Variants in TOP1 observed in about 807,000 individuals in gnomAD.
TOP1 encodes DNA topoisomerase 1.
Under a neutral mutation model 111.1 loss-of-function variants are expected in TOP1, and 10 were observed. The observed-to-expected ratio is 0.09, with a 90% CI of 0.06 to 0.15. The LOEUF (loss-of-function observed/expected upper bound fraction) is 0.15. Among genes scored for constraint, TOP1 ranks in the 10% least tolerant of loss-of-function variants. TOP1 has a pLI of 1.00. For synonymous variants in TOP1, 271 were observed against 302.9 expected (o/e 0.89, Z 1.10); for missense variants, 474 against 926.7 (o/e 0.51, Z 6.34).
intron 3 of TOP1, among the ~76,000 whole-genome samples, chr20:41,062,490 A>T (rs1447081814): frequency 6.6e-6 from 1 of 152,036 alleles, no homozygotes; most frequent in Non-Finnish European, 1.5e-5. Context: ...TTATCACTTG[A>T]TCATCTAGTT....
At chr20:41,090,562 A>G (rs6124315) in intron 8 of TOP1, among the ~76,000 whole-genome samples, 87,785 of 152,012 alleles carry the variant, frequency 0.58, 26,652 homozygotes, top group East Asian at 0.82. Context: ...GAGTGCAGTC[A>G]CGTGATCTCG....
At position 41,114,062 on chromosome 20, in the gene TOP1, C is replaced by T; in HGVS notation, c.1545C>T (p.His515=). The change falls in exon 15 of 21, where the codon CAC becomes CAT. Residue 515 remains histidine (H), a synonymous_variant. Coordinates refer to ENST00000361337, the MANE Select transcript of TOP1 (RefSeq NM_003286.4). The surrounding 1 kb of genome is among the most constrained non-coding windows in gnomAD (Gnocchi z 4.5). ...TTCGTGTGGAGCACATCAATCTACA[C>T]CCAGAGTTGGATGGTCAGGAATATG... ...CSLRVEHINL[H]PELDGQEYVV... 3 of 1,614,104 alleles carry T rather than the reference C, an allele frequency of 1.9e-6. No individual in the cohort carries two copies. Among genetic ancestry groups the T allele is most frequent in the Non-Finnish European group, 2.5e-6 (3 of 1,179,942 alleles).
intron 18 of TOP1, among the ~76,000 whole-genome samples, chr20:41,119,624 TC>T (rs2034390203): frequency 6.6e-6 from 1 of 150,900 alleles, no homozygotes. Context: ...TGTTGAGATT[TC>T]CTTAAGATAA....
Position 41,101,308 on chromosome 20 carries a change from A to G in TOP1, c.1263A>G (p.Gln421=), listed in dbSNP as rs374279891. The part of the protein sequence containing the change: ...TWLVSWTENI[Q]GSIKYIMLNP... ...TGGTTTCCTGGACAGAGAACATCCAAGGTTCCATTAAATACATCATGCTTA... is the reference window on the plus strand; with the variant it reads ...TGGTTTCCTGGACAGAGAACATCCAGGGTTCCATTAAATACATCATGCTTA... Residue 421 remains glutamine, a synonymous_variant, in exon 13 of 21, where the codon CAA becomes CAG. Transcript: ENST00000361337. This position sits in a 1 kb window ranked among gnomAD's most constrained non-coding sequence, Gnocchi z 4.1. 2.5e-5 allele frequency: 40 copies of G among 1,614,084 alleles called. No individual in the cohort carries two copies. The highest frequency in any genetic ancestry group is 3.2e-5 in the Non-Finnish European group (38 of 1,180,022).
Position 41,100,500 on chromosome 20 carries a change from G to C in TOP1, c.1163+257G>C, listed in dbSNP as rs1050945742. Among the ~76,000 whole-genome samples, 1 of 152,134 alleles carries C rather than the reference G, an allele frequency of 6.6e-6. No homozygotes were observed. ...CTGTCACTTGGAACACATTTCTGTT[G>C]ATGTCTTCCACCCCCAAATTTAATG... is the stretch of plus-strand genomic sequence containing the variant. On this transcript the variant is annotated intron_variant, in intron 12 of 20. Coordinates refer to ENST00000361337, the MANE Select transcript of TOP1 (RefSeq NM_003286.4). The surrounding 1 kb of genome is among the most constrained non-coding windows in gnomAD (Gnocchi z 4.4).
Position 41,097,187 on chromosome 20 carries a change from T to C in TOP1, c.731-33T>C. The C allele has an allele frequency of 1.9e-6, 3 of 1,608,890 alleles. No homozygotes were observed. The highest frequency in any genetic ancestry group is 1.1e-5 in the South Asian group (1 of 90,264). Reference sequence around the variant, plus strand: ...ATTTATGCTTAGAACATGAATACTATACCTCACTTTTTGGAACCACTTTTT... The same window carrying C: ...ATTTATGCTTAGAACATGAATACTACACCTCACTTTTTGGAACCACTTTTT... On this transcript the variant is annotated intron_variant, in intron 9 of 20. Transcript: ENST00000361337. This position sits in a 1 kb window ranked among gnomAD's most constrained non-coding sequence, Gnocchi z 4.2.
In TOP1 at chr20:41,065,922, T is replaced by C. The variant is rs146095788; in HGVS notation, c.155+4432T>C. Among the ~76,000 whole-genome samples the C allele has an allele frequency of 2.2e-3, 329 of 152,184 alleles. 1 individual carries two copies. The highest frequency in any genetic ancestry group is 6.5e-3 in the African/African-American group (270 of 41,516). On this transcript the variant is annotated intron_variant, in intron 3 of 20. Transcript: ENST00000361337. ...TTGCTAGATCATGTCCAACAATGGGTGGCTGCCTGCTATGTTTTTACTGTG... is the reference window on the plus strand; with the variant it reads ...TTGCTAGATCATGTCCAACAATGGGCGGCTGCCTGCTATGTTTTTACTGTG...
intron 13 of TOP1, among the ~76,000 whole-genome samples, chr20:41,104,540 G>A (rs1228415820): frequency 6.6e-6 from 1 of 152,254 alleles, no homozygotes; most frequent in Non-Finnish European, 1.5e-5. Flanking sequence ...CTCAAGAGCA[G>A]AGAGCCAGTC....
In TOP1 at chr20:41,102,167, C is replaced by A. The variant is rs1336447399; in HGVS notation, c.1308+814C>A. On this transcript the variant is annotated intron_variant, in intron 13 of 20. Transcript: ENST00000361337. The surrounding 1 kb of genome is among the most constrained non-coding windows in gnomAD (Gnocchi z 4.0). ...GATCCTCGTTCATAGGTTATAACATCTGTTAAAATGTGAAAGCCACAGCTG... is the reference window on the plus strand; with the variant it reads ...GATCCTCGTTCATAGGTTATAACATATGTTAAAATGTGAAAGCCACAGCTG... Among the ~76,000 whole-genome samples, 1 of 152,158 alleles carries A rather than the reference C, an allele frequency of 6.6e-6. No homozygotes were observed. Among genetic ancestry groups the A allele is most frequent in the Non-Finnish European group, 1.5e-5 (1 of 68,034 alleles).
Position 41,058,654 on chromosome 20 carries a change from TC to T in TOP1, c.59-2739del, listed in dbSNP as rs2033503828. The stretch of plus-strand genomic sequence containing the variant: ...GAAGTTGCCCCCTCACAATTCCACT[TC>T]ATCTTGTTTGTTAGGAGTGAGTCAC... On this transcript the variant is annotated intron_variant, in intron 2 of 20. Coordinates refer to ENST00000361337, the MANE Select transcript of TOP1 (RefSeq NM_003286.4). The surrounding 1 kb of genome is among the most constrained non-coding windows in gnomAD (Gnocchi z 4.2). Among the ~76,000 whole-genome samples, 2 of 152,158 alleles carry T rather than the reference TC, an allele frequency of 1.3e-5. No individual in the cohort carries two copies. The highest frequency in any genetic ancestry group is 4.1e-4 in the South Asian group (2 of 4,828).
intron 2 of TOP1, among the ~76,000 whole-genome samples, chr20:41,038,992 CAAA>C (rs879288677): frequency 7.9e-6 from 1 of 125,796 alleles, no homozygotes; most frequent in Non-Finnish European, 1.7e-5. Context: ...GACCCTGTCT[CAAA>C]AAAAAAAAAA....
At chr20:41,084,110 A>G (rs2033819368) in intron 7 of TOP1, among the ~76,000 whole-genome samples, 1 of 152,100 alleles carries the variant, frequency 6.6e-6, no homozygotes, top group Non-Finnish European at 1.5e-5. Context: ...AGGTTTAAAG[A>G]TGAGTAGGAT....
chr20:41,103,140 C>A (rs1007193750), intron 13 of TOP1, among the ~76,000 whole-genome samples: 11 of 152,114 alleles, frequency 7.2e-5, no homozygotes, highest in Non-Finnish European at 1.5e-5. Context: ...GCATATTTTA[C>A]CACAACTTAA....
chr20:41,043,978 T>TA (rs2033300186), intron 2 of TOP1, among the ~76,000 whole-genome samples: 5 of 152,090 alleles, frequency 3.3e-5, no homozygotes, highest in African/African-American at 9.7e-5. Context: ...AGAGCAGTAT[T>TA]TGAAATGCAA....
At chr20:41,045,197 C>G (rs202029764) in intron 2 of TOP1, among the ~76,000 whole-genome samples, 1 of 151,886 alleles carries the variant, frequency 6.6e-6, no homozygotes, top group East Asian at 1.9e-4. Flanking sequence ...ATAGTGGCTA[C>G]CATATTGGAC....
intron 2 of TOP1, among the ~76,000 whole-genome samples, chr20:41,048,723 T>C (rs1410410748): frequency 6.6e-6 from 1 of 152,258 alleles, no homozygotes; most frequent in Non-Finnish European, 1.5e-5. Context: ...GAAGACCTTC[T>C]TGTAGATCAA....
rs1367385735 is a variant in TOP1 at position 41,118,312 on chromosome 20, T to G, written c.1950+16T>G. On this transcript the variant is annotated intron_variant, in intron 18 of 20. Transcript: ENST00000361337. The surrounding 1 kb of genome is among the most constrained non-coding windows in gnomAD (Gnocchi z 4.6). Reference sequence around the variant, plus strand: ...GCAAACTAAGGTATCTTGGATAAAATGAAGGGAACTGTGTCTGCTGTGGGC... The same window carrying G: ...GCAAACTAAGGTATCTTGGATAAAAGGAAGGGAACTGTGTCTGCTGTGGGC... The G allele has an allele frequency of 6.2e-7, 1 of 1,613,660 alleles. No individual in the cohort carries two copies. The highest frequency in any genetic ancestry group is 8.5e-7 in the Non-Finnish European group (1 of 1,179,702).
chr20:41,041,579 G>A (rs900061023), intron 2 of TOP1, among the ~76,000 whole-genome samples: 3 of 152,086 alleles, frequency 2.0e-5, no homozygotes, highest in African/African-American at 7.2e-5. Context: ...AGACTTTTGA[G>A]AGCTTAACAG....
rs1358796693 is a variant in TOP1 at position 41,118,880 on chromosome 20, G to A, written c.1950+584G>A. Among the ~76,000 whole-genome samples, 1 of 152,158 alleles carries A rather than the reference G, an allele frequency of 6.6e-6. No individual in the cohort carries two copies. The highest frequency in any genetic ancestry group is 1.5e-5 in the Non-Finnish European group (1 of 68,038). ...CAAATAGGTGCTATTCCTTGTCCCT[G>A]AGCCTCTTTCCTCCTCCTAACTCCG... On this transcript the variant is annotated intron_variant, in intron 18 of 20. Transcript: ENST00000361337. This position sits in a 1 kb window ranked among gnomAD's most constrained non-coding sequence, Gnocchi z 4.6.
Sources: allele counts gnomAD v4.1 joint callset (sites outside exome capture counted in the v4.1 genomes callset), GRCh38; gene constraint gnomAD v4.1.1; non-coding constraint Gnocchi (gnomAD v3.1); transcripts MANE v1.5; gene names NCBI Gene and HGNC (gene_info 2026-07-23, HGNC 2026-07-21).